RPTOR: variants seen among roughly 807,000 people sequenced by gnomAD.
RPTOR encodes regulatory associated protein of MTOR complex 1.
A neutral mutation model predicts 169.9 loss-of-function variants in RPTOR; 21 were observed. The observed-to-expected ratio is 0.12, with a 90% CI of 0.09 to 0.18. RPTOR has a LOEUF of 0.18. RPTOR is among the 10% of genes least tolerant of loss of function. RPTOR has a pLI of 1.00. For synonymous variants in RPTOR, 732 were observed against 753.2 expected (o/e 0.97, Z 0.46); for missense variants, 1,133 against 1,855.9 (o/e 0.61, Z 7.16).
intron 9 of RPTOR, among the ~76,000 whole-genome samples, chr17:80,830,915 T>C (rs1174488465): frequency 6.6e-6 from 1 of 151,960 alleles, no homozygotes; most frequent in Non-Finnish European, 1.5e-5. Flanking sequence ...GCTAATTGTT[T>C]TGTATTTTTT....
At chr17:80,688,459 T>C (rs2065965618) in intron 3 of RPTOR, among the ~76,000 whole-genome samples, 1 of 152,256 alleles carries the variant, frequency 6.6e-6, no homozygotes, top group African/African-American at 2.4e-5. Context: ...GGTTCAGTAT[T>C]GTCAGGTTCT....
chr17:80,921,516 C>G (rs190403487), intron 21 of RPTOR, among the ~76,000 whole-genome samples: 1 of 152,242 alleles, frequency 6.6e-6, no homozygotes, highest in South Asian at 2.1e-4. Flanking sequence ...CCCTGCCTTG[C>G]GTGGTTTCTC....
At chr17:80,732,518 G>A (rs1293985737) in intron 5 of RPTOR, among the ~76,000 whole-genome samples, 1 of 152,156 alleles carries the variant, frequency 6.6e-6, no homozygotes, top group African/African-American at 2.4e-5. Context: ...AAAAAAAAAT[G>A]TTTGACTCAT....
chr17:80,771,153 C>T (rs886562379), intron 6 of RPTOR, among the ~76,000 whole-genome samples: 1 of 152,190 alleles, frequency 6.6e-6, no homozygotes, highest in Non-Finnish European at 1.5e-5. Context: ...CTGCGGCTGC[C>T]TCTCTGAAGC....
intron 1 of RPTOR, among the ~76,000 whole-genome samples, chr17:80,607,618 T>C (rs964995215): frequency 6.7e-6 from 1 of 149,332 alleles, no homozygotes; most frequent in Non-Finnish European, 1.5e-5. Flanking sequence ...TATATATATA[T>C]AATTATTTTT....
intron 1 of RPTOR, among the ~76,000 whole-genome samples, chr17:80,621,086 T>C (rs62068309): frequency 0.058 from 8,775 of 152,310 alleles, 299 homozygotes; most frequent in Non-Finnish European, 0.082. Context: ...TGTAGCTACT[T>C]TCACACATTC....
chr17:80,783,213 C>T (rs1020812833), intron 6 of RPTOR, among the ~76,000 whole-genome samples: 2 of 152,164 alleles, frequency 1.3e-5, no homozygotes, highest in Admixed American at 6.5e-5. Context: ...AATGATTTCC[C>T]GACTTGACTC....
intron 21 of RPTOR, among the ~76,000 whole-genome samples, chr17:80,913,904 C>G (rs1485286195): frequency 6.6e-6 from 1 of 152,210 alleles, no homozygotes; most frequent in African/African-American, 2.4e-5. Context: ...CACAGGTGGT[C>G]ACCTGTCAGG....
intron 2 of RPTOR, among the ~76,000 whole-genome samples, chr17:80,642,484 G>A (rs1408457329): frequency 6.6e-6 from 1 of 152,122 alleles, no homozygotes; most frequent in Non-Finnish European, 1.5e-5. Context: ...GTTAATGAGT[G>A]TGGATTCTTA....
At chr17:80,561,703 A>T (rs2084498343) in intron 1 of RPTOR, among the ~76,000 whole-genome samples, 1 of 152,052 alleles carries the variant, frequency 6.6e-6, no homozygotes, top group African/African-American at 2.4e-5. Flanking sequence ...AAGTGCTAGG[A>T]TTACAGACAT....
At chr17:80,961,516 T>C (rs1015649142) in intron 31 of RPTOR, 36 bp downstream of exon 31, 2 of 1,533,580 alleles carry the variant, frequency 1.3e-6, no homozygotes, top group Admixed American at 2.0e-5. Flanking sequence ...CGTTCTGCTG[T>C]AAAAACATTA....
chr17:80,690,277 A>G lies in RPTOR; in HGVS notation c.349-17564A>G, dbSNP rs116841088. Among the ~76,000 whole-genome samples, 498 of 152,160 alleles carry G rather than the reference A, an allele frequency of 3.3e-3. 10 individuals are homozygous for G. The East Asian group carries it at 0.061, about 19-fold the overall frequency. ...AGACTTCATGTAATTTCACCTGTCA[A>G]TATTTCTGAAAGAAATATTTACTTT... is the stretch of plus-strand genomic sequence containing the variant. On this transcript the variant is annotated intron_variant, in intron 3 of 33. Transcript: ENST00000306801.
chr17:80,605,795 T>C (rs2065224631), intron 1 of RPTOR, among the ~76,000 whole-genome samples: 1 of 152,234 alleles, frequency 6.6e-6, no homozygotes, highest in Non-Finnish European at 1.5e-5. Flanking sequence ...ATGCCCGTTA[T>C]GTCTCAGGCA....
chr17:80,700,934 A>T (rs111597294), intron 3 of RPTOR, among the ~76,000 whole-genome samples: 3 of 151,978 alleles, frequency 2.0e-5, no homozygotes, highest in African/African-American at 7.3e-5. Context: ...CTCAGTCAGG[A>T]TTGAAGAGGT....
chr17:80,712,285 A>G (rs2066201119), intron 4 of RPTOR, among the ~76,000 whole-genome samples: 2 of 152,086 alleles, frequency 1.3e-5, no homozygotes, highest in African/African-American at 2.4e-5. Context: ...ATTTTGCTGA[A>G]TGTGTGATTT....
chr17:80,879,070 G>T (rs533962321), intron 13 of RPTOR, among the ~76,000 whole-genome samples: 6 of 152,188 alleles, frequency 3.9e-5, no homozygotes, highest in Non-Finnish European at 5.9e-5. Context: ...GTCAGGTTCT[G>T]CGTTTCGGCT....
chr17:80,678,447 A>G (rs2065875391), intron 3 of RPTOR, among the ~76,000 whole-genome samples: 1 of 152,204 alleles, frequency 6.6e-6, no homozygotes, highest in Admixed American at 6.5e-5. Flanking sequence ...TCTACAAAAA[A>G]CAAACAAATA....
At chr17:80,560,433 T>C (rs1257232751) in intron 1 of RPTOR, among the ~76,000 whole-genome samples, 1 of 152,142 alleles carries the variant, frequency 6.6e-6, no homozygotes, top group Non-Finnish European at 1.5e-5. Flanking sequence ...AATTCCTGCG[T>C]TGAAGGTGTT....
chr17:80,917,623 C>G (rs1243445985), intron 21 of RPTOR, among the ~76,000 whole-genome samples: 2 of 152,162 alleles, frequency 1.3e-5, no homozygotes, highest in African/African-American at 4.8e-5. Flanking sequence ...CTGTCTTTAC[C>G]TCTGAAATTC....
Sources: allele counts gnomAD v4.1 joint callset (sites outside exome capture counted in the v4.1 genomes callset), GRCh38; gene constraint gnomAD v4.1.1; transcripts MANE v1.5; gene names NCBI Gene and HGNC (gene_info 2026-07-23, HGNC 2026-07-21).